The following XKR3 variants were observed in gnomAD, a reference collection of about 807,000 sequenced individuals.
XKR3 encodes the protein XK-related protein 3.
A neutral mutation model predicts 40.3 loss-of-function variants in XKR3; 27 were observed. That is an observed-to-expected ratio of 0.67 (90% CI 0.49 to 0.92). The LOEUF is 0.92. Ranked by LOEUF, XKR3 falls within the 40% of genes least tolerant of loss-of-function variation. The pLI, the probability that XKR3 is intolerant of heterozygous loss-of-function variation, is 0.00. For missense variants in XKR3, 472 were observed against 537.6 expected (o/e 0.88, Z 1.21); for synonymous variants, 193 against 195.4 (o/e 0.99, Z 0.10).
At chr22:16,794,355 T>C (rs73159887) in intron 3 of XKR3, among the ~76,000 whole-genome samples, 54 of 151,930 alleles carry the variant, frequency 3.6e-4, no homozygotes, top group Non-Finnish European at 6.5e-4. Context: ...AGGTCACTTA[T>C]AGAGAGAACA....
At chr22:16,789,762 C>T (rs903011470) in intron 3 of XKR3, among the ~76,000 whole-genome samples, 120 of 152,218 alleles carry the variant, frequency 7.9e-4, no homozygotes, top group African/African-American at 2.8e-3. Context: ...ACCCATAAAG[C>T]TGGAGGCATC....
At position 16,783,862 on chromosome 22, in the gene XKR3, G is replaced by T; in HGVS notation, c.1137C>A (p.Ala379=). ...TLLNCCDSLI[A]VQLIISYLLA... Reference sequence around the variant, plus strand: ...ATAGGTAGCTTATGATGAGCTGCACGGCAATTAATGAGTCACAACAATTCA... The same window carrying T: ...ATAGGTAGCTTATGATGAGCTGCACTGCAATTAATGAGTCACAACAATTCA... The change falls in exon 4 of 4, where the codon GCC becomes GCA. Residue 379 remains alanine, a synonymous_variant. Transcript: ENST00000684488. 6.2e-7 allele frequency: 1 copy of T among 1,614,098 alleles called. No homozygotes were observed. Among genetic ancestry groups the T allele is most frequent in the Non-Finnish European group, 8.5e-7 (1 of 1,180,030 alleles).
intron 1 of XKR3, among the ~76,000 whole-genome samples, chr22:16,820,232 C>T (rs2060250086): frequency 6.6e-6 from 1 of 152,168 alleles, no homozygotes; most frequent in South Asian, 2.1e-4. Flanking sequence ...CTAAGAACAT[C>T]CCTTGTGTTC....
intron 2 of XKR3, among the ~76,000 whole-genome samples, chr22:16,802,524 T>A (rs2060173662): frequency 6.6e-6 from 1 of 152,028 alleles, no homozygotes; most frequent in East Asian, 1.9e-4. Context: ...CAGAGTTTGC[T>A]CTGTTGCCAG....
At chr22:16,822,705 A>T (rs1259501311) in intron 1 of XKR3, among the ~76,000 whole-genome samples, 1 of 152,232 alleles carries the variant, frequency 6.6e-6, no homozygotes, top group African/African-American at 2.4e-5. Context: ...AATGGAAAAT[A>T]TCAACTGATG....
chr22:16,819,306 A>G (rs562179784), intron 1 of XKR3, among the ~76,000 whole-genome samples: 7 of 152,284 alleles, frequency 4.6e-5, no homozygotes, highest in African/African-American at 1.7e-4. Flanking sequence ...AGCTAAGACA[A>G]TTTTGAAAAA....
chr22:16,793,767 A>G (rs1334508860), intron 3 of XKR3, among the ~76,000 whole-genome samples: 5 of 152,212 alleles, frequency 3.3e-5, no homozygotes, highest in South Asian at 2.1e-4. Flanking sequence ...AAGTTACTAA[A>G]ATTTCAAATC....
chr22:16,795,951 A>G (rs2060138677), intron 3 of XKR3, among the ~76,000 whole-genome samples: 1 of 149,556 alleles, frequency 6.7e-6, no homozygotes, highest in Non-Finnish European at 1.5e-5. Context: ...TTGGTGACAG[A>G]AAAAAACTCA....
At chr22:16,793,734 G>A (rs73384005) in intron 3 of XKR3, among the ~76,000 whole-genome samples, 9,787 of 152,110 alleles carry the variant, frequency 0.064, 642 homozygotes, top group African/African-American at 0.17. Flanking sequence ...ATGTCGTTTT[G>A]GGTCTCTTTC....
Position 16,799,758 on chromosome 22 carries a change from T to G in XKR3, c.589+13A>C, listed in dbSNP as rs370231145. 5.0e-6 allele frequency: 8 copies of G among 1,612,798 alleles called. No individual in the cohort carries two copies. The highest frequency in any genetic ancestry group is 6.8e-6 in the Non-Finnish European group (8 of 1,179,332). On this transcript the variant is annotated intron_variant, in intron 3 of 3. Coordinates refer to ENST00000684488, the MANE Select transcript of XKR3 (RefSeq NM_001386955.1). ...CCTTTGTGTGTCTTTCAGCATCAAG[T>G]AACTCAACTTACCTCTATTCAAAGG...
chr22:16,798,897 G>C (rs908556138), intron 3 of XKR3, among the ~76,000 whole-genome samples: 1 of 152,162 alleles, frequency 6.6e-6, no homozygotes, highest in African/African-American at 2.4e-5. Flanking sequence ...ACTCCCTACT[G>C]TGTACTATGC....
chr22:16,791,545 TA>T lies in XKR3; in HGVS notation c.590-7137del, dbSNP rs59823117. On this transcript the variant is annotated intron_variant, in intron 3 of 3. Transcript: ENST00000684488. ...TGGATATTAATTGCTCTTACCAAAATAAAAAAAAAAACAGATAACTACGTGA... is the reference window on the plus strand; with the variant it reads ...TGGATATTAATTGCTCTTACCAAAATAAAAAAAAAACAGATAACTACGTGA... Among the ~76,000 whole-genome samples the T allele has an allele frequency of 6.7e-3, 946 of 141,566 alleles. 8 individuals carry two copies. Among genetic ancestry groups the T allele is most frequent in the African/African-American group, 0.017 (672 of 39,290 alleles). 92.9% of individuals were successfully genotyped at this position (141,566 alleles called of 152,430 possible).
At chr22:16,787,114 T>C (rs1303150092) in intron 3 of XKR3, among the ~76,000 whole-genome samples, 2 of 150,550 alleles carry the variant, frequency 1.3e-5, no homozygotes, top group Admixed American at 1.3e-4. Context: ...ATAAAAAAAA[T>C]ACAGTTGAGA....
At chr22:16,800,146 T>A in intron 2 of XKR3, 122 bp from the exon 3 acceptor site, 1 of 1,104,302 alleles carries the variant, frequency 9.1e-7, no homozygotes, top group Non-Finnish European at 1.3e-6. Flanking sequence ...TGGCAAATAT[T>A]AACTTAATCA....
intron 1 of XKR3, among the ~76,000 whole-genome samples, chr22:16,815,121 G>T (rs964420513): frequency 6.6e-6 from 1 of 151,522 alleles, no homozygotes; most frequent in African/African-American, 2.4e-5. Context: ...TCAGGCTGAG[G>T]TATTTTCTTT....
chr22:16,822,843 C>T (rs1229745465), intron 1 of XKR3, among the ~76,000 whole-genome samples: 1 of 152,054 alleles, frequency 6.6e-6, no homozygotes, highest in Non-Finnish European at 1.5e-5. Flanking sequence ...TATTAACTAG[C>T]TTATTATGCT....
At chr22:16,816,503 T>C (rs1407384028) in intron 1 of XKR3, among the ~76,000 whole-genome samples, 1 of 151,808 alleles carries the variant, frequency 6.6e-6, no homozygotes, top group Non-Finnish European at 1.5e-5. Context: ...AATGTATTTC[T>C]AGCCCCCACA....
intron 3 of XKR3, among the ~76,000 whole-genome samples, chr22:16,786,724 A>C (rs2060092326): frequency 1.3e-5 from 2 of 152,276 alleles, no homozygotes; most frequent in Non-Finnish European, 2.9e-5. Flanking sequence ...TAAAGACCTT[A>C]ATTTCCTTCT....
chr22:16,798,721 G>A (rs748312270), intron 3 of XKR3, among the ~76,000 whole-genome samples: 1 of 152,194 alleles, frequency 6.6e-6, no homozygotes, highest in African/African-American at 2.4e-5. Context: ...ATAAATGCAG[G>A]TGGAGGCCAT....
Sources: allele counts gnomAD v4.1 joint callset (sites outside exome capture counted in the v4.1 genomes callset), GRCh38; gene constraint gnomAD v4.1.1; transcripts MANE v1.5; gene names NCBI Gene and HGNC (gene_info 2026-07-23, HGNC 2026-07-21).